PIK3C2G: variants seen among roughly 807,000 people sequenced by gnomAD.
The protein encoded by PIK3C2G is phosphatidylinositol 3-kinase C2 domain-containing subunit gamma.
In PIK3C2G, 168 loss-of-function variants were observed where a neutral mutation model predicts 181.1. That is an observed-to-expected ratio of 0.93 (90% confidence interval 0.82 to 1.05). The LOEUF is 1.05. Ranked by LOEUF, PIK3C2G falls within the 50% of genes least tolerant of loss-of-function variation. The pLI is 0.00. For synonymous variants in PIK3C2G, 573 were observed against 592.2 expected, an observed-to-expected ratio of 0.97 and a Z score of 0.47; for missense variants, 1,869 against 1,732.8, an observed-to-expected ratio of 1.08 and a Z score of -1.40.
chr12:18,268,431 G>A (rs1266999478), intron 1 of PIK3C2G, among the ~76,000 whole-genome samples: 1 of 151,898 alleles, frequency 6.6e-6, no homozygotes, highest in Admixed American at 6.6e-5. Context: ...ATATCATTAA[G>A]GATATTATTT....
At chr12:18,582,478 G>A (rs1422258253) in intron 29 of PIK3C2G, among the ~76,000 whole-genome samples, 3 of 152,122 alleles carry the variant, frequency 2.0e-5, no homozygotes, top group South Asian at 4.1e-4. Context: ...TAAGACACAC[G>A]TGAAGCACCA....
At chr12:18,259,553 G>T (rs1032092379), upstream of PIK3C2G, among the ~76,000 whole-genome samples, 8 of 151,878 alleles carry the variant, frequency 5.3e-5, no homozygotes, top group South Asian at 1.2e-3. Flanking sequence ...GCTTTAGAGT[G>T]GGGGGAAATA....
chr12:18,675,851 C>T, the PIK3C2G span, among the ~76,000 whole-genome samples: 7 of 150,348 alleles, frequency 4.7e-5, no homozygotes, highest in Admixed American at 1.3e-4. Context: ...ATAATAGACA[C>T]TAGGGACTCA....
At chr12:18,246,666 G>A (rs1948043122), upstream of PIK3C2G, among the ~76,000 whole-genome samples, 1 of 151,992 alleles carries the variant, frequency 6.6e-6, no homozygotes, top group Admixed American at 6.6e-5. Flanking sequence ...AAATGATAAA[G>A]CATGTGAACT....
At chr12:18,464,901 T>C (rs555811367) in intron 18 of PIK3C2G, among the ~76,000 whole-genome samples, 67 of 152,118 alleles carry the variant, frequency 4.4e-4, no homozygotes, top group African/African-American at 1.6e-3. Flanking sequence ...TTTCTATCAT[T>C]GTATTTTGTT....
At chr12:18,592,018 G>A (rs1175076609) in intron 29 of PIK3C2G, among the ~76,000 whole-genome samples, 1 of 151,846 alleles carries the variant, frequency 6.6e-6, no homozygotes, top group Admixed American at 6.6e-5. Context: ...TGTGAGCATG[G>A]ACATAGGAGA....
chr12:18,599,688 AAAT>A (rs1449248854), intron 30 of PIK3C2G, among the ~76,000 whole-genome samples: 1,946 of 98,062 alleles, frequency 0.02, 49 homozygotes, highest in African/African-American at 0.069. Flanking sequence ...AAATAAAAAA[AAAT>A]AAAAATAAAA....
At chr12:18,459,171 T>C (rs1426611250) in intron 18 of PIK3C2G, among the ~76,000 whole-genome samples, 1 of 152,248 alleles carries the variant, frequency 6.6e-6, no homozygotes, top group South Asian at 2.1e-4. Context: ...TTTAAGAAGT[T>C]TATCACTGGA....
chr12:18,331,266 G>C (rs963491390), intron 8 of PIK3C2G, among the ~76,000 whole-genome samples: 5 of 152,052 alleles, frequency 3.3e-5, no homozygotes, highest in African/African-American at 1.2e-4. Context: ...AAGGAAACTT[G>C]ATATTTTAAA....
chr12:18,295,006 C>CTAAT (rs35824446), intron 5 of PIK3C2G, among the ~76,000 whole-genome samples: 68,699 of 150,288 alleles, frequency 0.46, 15,909 homozygotes, highest in Non-Finnish European at 0.51. Context: ...GGCCTTAAGA[C>CTAAT]TATTTTCCTT....
the PIK3C2G span, among the ~76,000 whole-genome samples, chr12:18,700,410 G>C: frequency 2.7e-5 from 4 of 148,526 alleles, no homozygotes; most frequent in Non-Finnish European, 5.9e-5. Flanking sequence ...CTCAATCCAA[G>C]TATGAGTCAG....
At chr12:18,478,915 C>T (rs1195091595) in intron 18 of PIK3C2G, among the ~76,000 whole-genome samples, 1 of 150,366 alleles carries the variant, frequency 6.7e-6, no homozygotes, top group East Asian at 2.0e-4. Flanking sequence ...GTAAAGGCTA[C>T]AGTTAGCCAT....
At position 18,439,721 on chromosome 12, in the gene PIK3C2G, CTA is replaced by C. The variant is rs1946638435; in HGVS notation, c.2504+15684_2504+15685del. Among the ~76,000 whole-genome samples the C allele has an allele frequency of 2.0e-5, 3 of 152,156 alleles. No individual in the cohort carries two copies. The East Asian group carries it at 5.8e-4, about 29-fold the overall frequency. ...TGACATCATTTCCTTACTGCTAGTG[CTA>C]TGTTTTTTTACTCTGTCTGCCTCAT... is the stretch of plus-strand genomic sequence containing the variant. On this transcript the variant is annotated intron_variant, in intron 18 of 32. Coordinates refer to ENST00000538779, the MANE Select transcript of PIK3C2G (RefSeq NM_001288772.2).
At chr12:18,508,677 C>T (rs963943026) in intron 24 of PIK3C2G, among the ~76,000 whole-genome samples, 2 of 152,010 alleles carry the variant, frequency 1.3e-5, no homozygotes, top group Non-Finnish European at 2.9e-5. Flanking sequence ...AAAAATCAGA[C>T]CTTAGCAATG....
intron 10 of PIK3C2G, among the ~76,000 whole-genome samples, chr12:18,344,324 A>C (rs1261154606): frequency 1.3e-5 from 2 of 151,944 alleles, no homozygotes; most frequent in Non-Finnish European, 2.9e-5. Flanking sequence ...AATTCCCACC[A>C]CTCAAAAGAA....
At chr12:18,457,294 T>C (rs1006852338) in intron 18 of PIK3C2G, among the ~76,000 whole-genome samples, 5 of 152,178 alleles carry the variant, frequency 3.3e-5, no homozygotes, top group African/African-American at 7.2e-5. Flanking sequence ...ATATTACCCC[T>C]CTCTTTCTTT....
At chr12:18,378,596 G>A (rs1250185564) in intron 13 of PIK3C2G, among the ~76,000 whole-genome samples, 2 of 151,948 alleles carry the variant, frequency 1.3e-5, no homozygotes, top group African/African-American at 2.4e-5. Context: ...CAGAATGGGA[G>A]AAAATTTTTG....
intron 32 of PIK3C2G, among the ~76,000 whole-genome samples, chr12:18,641,513 C>T (rs1008478682): frequency 5.3e-5 from 8 of 151,432 alleles, no homozygotes; most frequent in Non-Finnish European, 8.9e-5. Flanking sequence ...TTCTCTACCA[C>T]TTATTTCTCT....
At chr12:18,450,533 T>C (rs116094721) in intron 18 of PIK3C2G, among the ~76,000 whole-genome samples, 149 of 152,292 alleles carry the variant, frequency 9.8e-4, no homozygotes, top group African/African-American at 3.6e-3. Context: ...TCTGTACATT[T>C]CCTGTTCACT....
Sources: gnomAD v4.1 joint callset for allele counts (sites outside exome capture counted in the v4.1 genomes callset) on GRCh38, gnomAD v4.1.1 for gene constraint, MANE v1.5 for transcripts, NCBI Gene and HGNC (gene_info 2026-07-23, HGNC 2026-07-21) for gene names.